The following MALL variants were observed in gnomAD, a reference collection of about 807,000 sequenced individuals.
MALL encodes the protein mal, T cell differentiation protein like, also known as MAL-like protein.
Under a neutral mutation model 10.3 loss-of-function variants are expected in MALL, and 2 were observed. That is an observed-to-expected ratio of 0.19 (90% confidence interval 0.08 to 0.61). The LOEUF (loss-of-function observed/expected upper bound fraction) is 0.61. Ranked by LOEUF, MALL falls within the 20% of genes least tolerant of loss-of-function variation. MALL has a pLI of 0.88. For synonymous variants in MALL, 27 were observed against 51.8 expected (o/e 0.52, Z 2.05); for missense variants, 39 against 115.2 (o/e 0.34, Z 3.03).
At chr2:110,098,103 AT>A (rs1678484452) in intron 1 of MALL, among the ~76,000 whole-genome samples, 1 of 151,796 alleles carries the variant, frequency 6.6e-6, no homozygotes, top group South Asian at 2.1e-4. Flanking sequence ...CCATTGTGAT[AT>A]TTCAGGATGA....
chr2:110,091,915 G>GC, intron 1 of MALL, 145 bp from the exon 2 acceptor site: 1 of 1,369,604 alleles, frequency 7.3e-7, no homozygotes, highest in Non-Finnish European at 9.4e-7. Flanking sequence ...AGGAAGGCTG[G>GC]CCCCGCTGAG....
intron 1 of MALL, among the ~76,000 whole-genome samples, chr2:110,096,441 G>A (rs1678441998): frequency 6.6e-6 from 1 of 152,032 alleles, no homozygotes. Flanking sequence ...TCTGGCCCTT[G>A]TGAGGGTTTG....
intron 1 of MALL, among the ~76,000 whole-genome samples, chr2:110,104,913 T>C (rs747148121): frequency 6.6e-6 from 1 of 152,202 alleles, no homozygotes; most frequent in Non-Finnish European, 1.5e-5. Flanking sequence ...CTTGTTGACT[T>C]ACAATTGTTA....
chr2:110,097,700 G>A, intron 1 of MALL: 1 of 344,470 alleles, frequency 2.9e-6, no homozygotes, highest in South Asian at 2.1e-5. Flanking sequence ...GTTTGGGGTG[G>A]GGCAGACAAG....
intron 1 of MALL, among the ~76,000 whole-genome samples, chr2:110,105,230 C>T (rs1017930633): frequency 2.6e-5 from 4 of 152,238 alleles, no homozygotes; most frequent in Admixed American, 6.5e-5. Context: ...ACACAGTGCC[C>T]TCCCAGAGTA....
upstream of MALL, among the ~76,000 whole-genome samples, chr2:110,117,772 G>GCCA (rs1048403522): frequency 6.6e-6 from 1 of 151,902 alleles, no homozygotes; most frequent in African/African-American, 2.4e-5. Flanking sequence ...TACTTCCATT[G>GCCA]CCACCACCAC....
chr2:110,096,109 G>A (rs940060982), intron 1 of MALL, among the ~76,000 whole-genome samples: 4 of 152,080 alleles, frequency 2.6e-5, no homozygotes, highest in East Asian at 1.9e-4. Context: ...ACTACCCTCC[G>A]GGCGGCACTC....
chr2:110,101,944 G>C (rs1333817186), intron 1 of MALL, among the ~76,000 whole-genome samples: 1 of 152,020 alleles, frequency 6.6e-6, no homozygotes, highest in African/African-American at 2.4e-5. Flanking sequence ...AAGCAGCAAG[G>C]GGAAGGCATC....
chr2:110,097,184 T>G (rs1678462296), intron 1 of MALL, among the ~76,000 whole-genome samples: 1 of 151,662 alleles, frequency 6.6e-6, no homozygotes, highest in South Asian at 2.1e-4. Flanking sequence ...GTACCCAGTG[T>G]GCTAGGATTT....
At chr2:110,109,728 A>G (rs1678762233) in intron 1 of MALL, among the ~76,000 whole-genome samples, 1 of 152,094 alleles carries the variant, frequency 6.6e-6, no homozygotes, top group Non-Finnish European at 1.5e-5. Flanking sequence ...AGGAGATATT[A>G]CAACTGACAG....
intron 1 of MALL, among the ~76,000 whole-genome samples, chr2:110,096,333 C>T (rs1208723462): frequency 6.6e-6 from 1 of 152,140 alleles, no homozygotes; most frequent in African/African-American, 2.4e-5. Context: ...GGTTTGAATC[C>T]CAGCTCTGCC....
intron 1 of MALL, among the ~76,000 whole-genome samples, chr2:110,112,625 C>A (rs1225586621): frequency 6.6e-6 from 1 of 151,804 alleles, no homozygotes; most frequent in Admixed American, 6.6e-5. Flanking sequence ...ACACTTCTAC[C>A]CTTCTGGTGG....
upstream of MALL, among the ~76,000 whole-genome samples, chr2:110,117,264 G>T (rs1678937410): frequency 6.6e-6 from 1 of 152,114 alleles, no homozygotes; most frequent in African/African-American, 2.4e-5. Flanking sequence ...CTCTCTTAAA[G>T]GTTGCAAATA....
intron 1 of MALL, among the ~76,000 whole-genome samples, chr2:110,106,137 TA>T (rs1270100966): frequency 2.0e-5 from 3 of 152,210 alleles, no homozygotes; most frequent in Non-Finnish European, 2.9e-5. Context: ...CTGTTTGTTT[TA>T]AACTAGTCAA....
At chr2:110,101,492 A>T (rs1678563512) in intron 1 of MALL, among the ~76,000 whole-genome samples, 1 of 152,176 alleles carries the variant, frequency 6.6e-6, no homozygotes, top group Non-Finnish European at 1.5e-5. Context: ...AGGAACTTCC[A>T]TCCAGCACTG....
At chr2:110,112,739 A>C (rs1478493166) in intron 1 of MALL, among the ~76,000 whole-genome samples, 1 of 152,052 alleles carries the variant, frequency 6.6e-6, no homozygotes. Context: ...CTCAGTATCA[A>C]TCCAGAGGAA....
At chr2:110,113,754 T>G (rs569351922) in intron 1 of MALL, among the ~76,000 whole-genome samples, 1 of 152,130 alleles carries the variant, frequency 6.6e-6, no homozygotes, top group Non-Finnish European at 1.5e-5. Flanking sequence ...TTAGCAAAAC[T>G]GGAGTAAGGT....
At chr2:110,106,715 A>AT (rs1164058900) in intron 1 of MALL, among the ~76,000 whole-genome samples, 1 of 152,086 alleles carries the variant, frequency 6.6e-6, no homozygotes, top group East Asian at 1.9e-4. Flanking sequence ...ATACGGGGGC[A>AT]TTTTCCCTGG....
chr2:110,105,135 A>G (rs1311747659), intron 1 of MALL, among the ~76,000 whole-genome samples: 1 of 152,144 alleles, frequency 6.6e-6, no homozygotes, highest in Non-Finnish European at 1.5e-5. Flanking sequence ...TGATGAAGTA[A>G]CCTGCCCAGG....
Sources: gnomAD v4.1 joint callset for allele counts (sites outside exome capture counted in the v4.1 genomes callset) on GRCh38, gnomAD v4.1.1 for gene constraint, MANE v1.5 for transcripts, NCBI Gene and HGNC (gene_info 2026-07-23, HGNC 2026-07-21) for gene names.